Variants in C4orf17 observed in about 807,000 individuals in gnomAD.
C4orf17 encodes chromosome 4 open reading frame 17.
In C4orf17, 25 loss-of-function variants were observed where a neutral mutation model predicts 32.0. The ratio of observed to expected loss-of-function variants is 0.78; its 90% CI spans 0.57 to 1.09. The LOEUF (loss-of-function observed/expected upper bound fraction) is 1.09, where lower values mean the gene tolerates loss of function less well. Ranked by LOEUF, C4orf17 falls within the 50% of genes least tolerant of loss-of-function variation. The pLI is 0.00. For synonymous variants in C4orf17, 149 were observed against 145.8 expected (o/e 1.02, Z -0.16); for missense variants, 420 against 420.0 (o/e 1.00, Z 0.00).
rs554773144 is a variant in C4orf17 at position 99,540,553 on chromosome 4, A to C, written c.880+98A>C. On this transcript the variant is annotated intron_variant, in intron 8 of 8. Transcript: ENST00000326581. ...ATTTTAAGGATCAGTGCTTTTAAAA[A>C]AACAGAAAAATACAATAGTAATTTC... The C allele has an allele frequency of 1.6e-4, 124 of 758,408 alleles. No individual in the cohort carries two copies. The Middle Eastern group carries it at 2.0e-3, about 12-fold the overall frequency. 47.0% of individuals were successfully genotyped at this position (758,408 alleles called of 1,614,324 possible).
At chr4:99,513,325 G>C in intron 2 of C4orf17, 117 bp downstream of exon 2, 1 of 1,307,850 alleles carries the variant, frequency 7.6e-7, no homozygotes, top group Non-Finnish European at 1.1e-6. Context: ...GGAGAGGTAT[G>C]GGAATTGACT....
At chr4:99,534,002 G>A (rs11944750) in intron 5 of C4orf17, among the ~76,000 whole-genome samples, 29,765 of 152,030 alleles carry the variant, frequency 0.2, 2,998 homozygotes, top group South Asian at 0.3. Flanking sequence ...TTTAAGTTCC[G>A]GGGTACATGT....
At position 99,539,162 on chromosome 4, in the gene C4orf17, G is replaced by C; in HGVS notation, c.629-1G>C. On this transcript the variant is annotated splice_acceptor_variant, in intron 6 of 8. Coordinates refer to ENST00000326581, the MANE Select transcript of C4orf17 (RefSeq NM_032149.3). LOFTEE classifies it high-confidence loss of function. ...CCACCCTTTTTTGTCTTTTAAACCAGAAAAAGAGTGGGTCTCAGCTTTGAT... is the reference window on the plus strand; with the variant it reads ...CCACCCTTTTTTGTCTTTTAAACCACAAAAAGAGTGGGTCTCAGCTTTGAT... 3.7e-6 allele frequency: 6 copies of C among 1,613,538 alleles called. No individual in the cohort carries two copies. The highest frequency in any genetic ancestry group is 4.2e-6 in the Non-Finnish European group (5 of 1,179,566).
At chr4:99,536,140 G>A (rs1001929323) in intron 5 of C4orf17, 7 of 328,172 alleles carry the variant, frequency 2.1e-5, no homozygotes, top group East Asian at 8.7e-5. Flanking sequence ...TTGCTGGCTC[G>A]AATGCTCCTA....
chr4:99,522,763 C>A, intron 3 of C4orf17, 54 bp downstream of exon 3: 1 of 1,398,038 alleles, frequency 7.2e-7, no homozygotes, highest in Non-Finnish European at 1.0e-6. Context: ...GCAAACAAGG[C>A]TGTGGGGAGT....
At chr4:99,522,774 C>A in intron 3 of C4orf17, 65 bp downstream of exon 3, 2 of 1,226,776 alleles carry the variant, frequency 1.6e-6, no homozygotes, top group South Asian at 1.4e-5. Flanking sequence ...TGTGGGGAGT[C>A]TATATGATGC....
intron 2 of C4orf17, among the ~76,000 whole-genome samples, chr4:99,515,306 T>A (rs1447936451): frequency 2.0e-5 from 3 of 152,052 alleles, no homozygotes; most frequent in Admixed American, 2.0e-4. Flanking sequence ...TAAGTGCCCA[T>A]CAATGATAGG....
intron 2 of C4orf17, among the ~76,000 whole-genome samples, chr4:99,516,344 C>T (rs969808185): frequency 1.1e-4 from 17 of 152,114 alleles, no homozygotes; most frequent in Admixed American, 2.6e-4. Flanking sequence ...CAGTCCCAAA[C>T]CTAGAATAGA....
chr4:99,536,372 C>G (rs561882520), intron 5 of C4orf17, among the ~76,000 whole-genome samples: 1 of 152,234 alleles, frequency 6.6e-6, no homozygotes, highest in Non-Finnish European at 1.5e-5. Flanking sequence ...CCCCAAGGGG[C>G]TCTGTCCCAG....
At chr4:99,515,233 A>G (rs1267930745) in intron 2 of C4orf17, among the ~76,000 whole-genome samples, 1 of 152,210 alleles carries the variant, frequency 6.6e-6, no homozygotes, top group Non-Finnish European at 1.5e-5. Context: ...TCTGTTATAA[A>G]GACACCTGCA....
chr4:99,516,083 T>TA (rs1723175684), intron 2 of C4orf17, among the ~76,000 whole-genome samples: 1 of 152,210 alleles, frequency 6.6e-6, no homozygotes, highest in Non-Finnish European at 1.5e-5. Context: ...TTATTATAAC[T>TA]AAAAAATGAT....
rs1723615633 is a variant in C4orf17, at chr4:99,539,316, T to G, written c.782T>G (p.Phe261Cys). Residue 261 changes from phenylalanine to cysteine, a missense_variant, in exon 7 of 9, where the codon TTT becomes TGT. Physicochemically the swap from Phe to Cys is radical, Grantham distance 205. Transcript: ENST00000326581. The stretch of plus-strand genomic sequence containing the variant: ...CCCACAGTTAAATTGCCCCCAAATT[T>G]TACTGCAAAATCAAAAGTGCTGACC... ...SPPTVKLPPN[F>C]TAKSKVLTRD... The G allele has an allele frequency of 1.2e-6, 2 of 1,613,936 alleles. No individual in the cohort carries two copies. The highest frequency in any genetic ancestry group is 1.7e-6 in the Non-Finnish European group (2 of 1,179,956).
chr4:99,511,113 C>A lies in C4orf17; in HGVS notation c.-253C>A. The stretch of plus-strand genomic sequence containing the variant: ...ACAGCTGTATTCTTTTGGAAGCGTT[C>A]GAGATTGGTCTGTCTCTACCAACTA... On this transcript the variant is annotated 5_prime_UTR_variant, in exon 1 of 9. An upstream open reading frame in the 5' UTR gains an earlier in-frame stop. Coordinates refer to ENST00000326581, the MANE Select transcript of C4orf17 (RefSeq NM_032149.3). The A allele has an allele frequency of 6.6e-6, 1 of 152,066 alleles. No homozygotes were observed. Among genetic ancestry groups the A allele is most frequent in the East Asian group, 1.9e-4 (1 of 5,188 alleles). The allele number at this position is 152,066 out of a possible 1,614,324, so 9.4% of individuals were successfully genotyped here.
intron 2 of C4orf17, among the ~76,000 whole-genome samples, chr4:99,514,659 G>A (rs1208832429): frequency 6.6e-6 from 1 of 152,176 alleles, no homozygotes; most frequent in African/African-American, 2.4e-5. Flanking sequence ...TGGTAGAAGT[G>A]TAAACTAGTG....
rs1330756478 is a variant in C4orf17 at position 99,522,535 on chromosome 4, G to C, written c.163G>C (p.Asp55His). Residue 55 changes from aspartate to histidine, a missense_variant, in exon 3 of 9, where the codon GAT becomes CAT. By Grantham distance (81) the Asp-to-His change is moderately conservative. Transcript: ENST00000326581. The stretch of plus-strand genomic sequence containing the variant: ...CATTCCAATCTGTACTGTGAATGAT[G>C]ATGAGAATGCATTTGGAACATTGTG... ...NNIPICTVND[D>H]ENAFGTLWGV... 2 of 1,613,826 alleles carry C rather than the reference G, an allele frequency of 1.2e-6. No homozygotes were observed.
rs776312899 is a variant in C4orf17 at position 99,537,713 on chromosome 4, A to G, written c.591A>G (p.Ala197=). The stretch of plus-strand genomic sequence containing the variant: ...GCATTTTGCATACTGATTCTCTGGC[A>G]GAAGTTTTACAGTGGCTGCTTCATG... The part of the protein sequence containing the change: ...LCSILHTDSL[A]EVLQWLLHAT... The change falls in exon 6 of 9, where the codon GCA becomes GCG. Residue 197 remains alanine, a synonymous_variant. Coordinates refer to ENST00000326581, the MANE Select transcript of C4orf17 (RefSeq NM_032149.3). 2.3e-5 allele frequency: 37 copies of G among 1,612,978 alleles called. No individual in the cohort carries two copies. The South Asian group carries it at 3.8e-4, about 17-fold the overall frequency.
chr4:99,527,686 T>A (rs1160613254), intron 4 of C4orf17, among the ~76,000 whole-genome samples: 1 of 152,200 alleles, frequency 6.6e-6, no homozygotes, highest in Non-Finnish European at 1.5e-5. Context: ...TCACTTGCCC[T>A]CCCACTGCTC....
chr4:99,529,868 T>C lies in C4orf17; in HGVS notation c.456T>C (p.Pro152=). The C allele has an allele frequency of 6.2e-7, 1 of 1,613,234 alleles. No individual in the cohort carries two copies. Among genetic ancestry groups the C allele is most frequent in the Non-Finnish European group, 8.5e-7 (1 of 1,179,504 alleles). The change falls in exon 5 of 9, where the codon CCT becomes CCC. Residue 152 remains proline, a synonymous_variant. Transcript: ENST00000326581. ...PPSPPKACST[P]GSCSSGMTST... Reference sequence around the variant, plus strand: ...CACCTCCAAAGGCATGCTCTACTCCTGGCTCCTGTTCTTCAGGGATGACAA... The same window carrying C: ...CACCTCCAAAGGCATGCTCTACTCCCGGCTCCTGTTCTTCAGGGATGACAA...
chr4:99,532,310 T>G (rs1436621397), intron 5 of C4orf17, among the ~76,000 whole-genome samples: 1 of 152,112 alleles, frequency 6.6e-6, no homozygotes, highest in African/African-American at 2.4e-5. Context: ...TCAGTGCCCA[T>G]CAGTGATGAA....
Sources: allele counts gnomAD v4.1 joint callset (sites outside exome capture counted in the v4.1 genomes callset), GRCh38; gene constraint gnomAD v4.1.1; transcripts MANE v1.5; gene names NCBI Gene and HGNC (gene_info 2026-07-23, HGNC 2026-07-21).